The following AKAP13 variants were observed in gnomAD, a reference collection of about 807,000 sequenced individuals.
AKAP13 encodes the protein A-kinase anchoring protein 13.
In AKAP13, 80 loss-of-function variants were observed where a neutral mutation model predicts 264.5. The observed-to-expected ratio is 0.30, with a 90% CI of 0.25 to 0.36. AKAP13 has a LOEUF of 0.36. Ranked by LOEUF, AKAP13 falls within the 10% of genes least tolerant of loss-of-function variation. The pLI is 1.00. For synonymous variants in AKAP13, 1,380 were observed against 1,250.2 expected (o/e 1.10, Z -2.19); for missense variants, 3,712 against 3,435.2 (o/e 1.08, Z -2.01).
intron 13 of AKAP13, 124 bp from the exon 14 acceptor site, chr15:85,669,598 T>C: frequency 1.6e-6 from 1 of 625,114 alleles, no homozygotes; most frequent in Non-Finnish European, 2.8e-6. Context: ...CCACAAGGCC[T>C]GTGCTCTCAC....
At chr15:85,473,263 G>A (rs1184633666) in intron 1 of AKAP13, among the ~76,000 whole-genome samples, 1 of 152,166 alleles carries the variant, frequency 6.6e-6, no homozygotes, top group African/African-American at 2.4e-5. Context: ...GGGGGTGGGA[G>A]TAAAGAGTAG....
At chr15:85,594,771 G>A (rs1451118667) in intron 8 of AKAP13, among the ~76,000 whole-genome samples, 1 of 152,118 alleles carries the variant, frequency 6.6e-6, no homozygotes, top group African/African-American at 2.4e-5. Context: ...GATCTACCTG[G>A]GTACCTACAA....
At position 85,655,765 on chromosome 15, in the gene AKAP13, G is replaced by A. The variant is rs148772528; in HGVS notation, c.4723G>A (p.Asp1575Asn). The A allele has an allele frequency of 1.4e-4, 233 of 1,610,000 alleles. No homozygotes were observed. Among genetic ancestry groups the A allele is most frequent in the Middle Eastern group, 1.0e-3 (6 of 5,990 alleles). The stretch of plus-strand genomic sequence containing the variant: ...GGGGCCTGGGAAAAATGCAGCCAGC[G>A]ATGCAGAAATGAACCACCGGAGGTG... ...SWGPGKNAAS[D>N]AEMNHRSSMR... is the part of the protein sequence containing the mutation. Residue 1575 changes from aspartate to asparagine, a missense_variant, in exon 11 of 37, where the codon GAT becomes AAT. Asp to Asn is a conservative substitution (Grantham distance 23). Coordinates refer to ENST00000394518, the MANE Select transcript of AKAP13 (RefSeq NM_007200.5).
At chr15:85,483,640 A>AAAACAAC (rs1198500015) in intron 1 of AKAP13, among the ~76,000 whole-genome samples, 1,943 of 147,216 alleles carry the variant, frequency 0.013, 83 homozygotes, top group African/African-American at 0.046. Context: ...CTCAAAAAAA[A>AAAACAAC]AAAAAAAAAA....
chr15:85,421,393 G>GA (rs750329143), intron 1 of AKAP13, among the ~76,000 whole-genome samples: 2 of 152,208 alleles, frequency 1.3e-5, no homozygotes, highest in African/African-American at 2.4e-5. Context: ...GCTGTATTGA[G>GA]AAAGTCTTCA....
In AKAP13 at chr15:85,418,047, TTTA is replaced by T. The variant is rs57875971; in HGVS notation, c.-12+37266_-12+37268del. ...CATTCTTTTTGTACCATCTTCATTA[TTTA>T]TTATTATTATTATTATCATTATTAT... is the stretch of plus-strand genomic sequence containing the variant. On this transcript the variant is annotated intron_variant, in intron 1 of 36. Coordinates refer to ENST00000394518, the MANE Select transcript of AKAP13 (RefSeq NM_007200.5). Among the ~76,000 whole-genome samples the T allele has an allele frequency of 8.2e-4, 121 of 146,794 alleles. 3 individuals are homozygous for T. The highest frequency in any genetic ancestry group is 2.9e-3 in the East Asian group (15 of 5,142).
chr15:85,667,004 G>T (rs1326231755), intron 13 of AKAP13, among the ~76,000 whole-genome samples: 3 of 152,132 alleles, frequency 2.0e-5, no homozygotes, highest in Non-Finnish European at 4.4e-5. Flanking sequence ...ATTCTGGGAT[G>T]CATCTTATTT....
intron 1 of AKAP13, among the ~76,000 whole-genome samples, chr15:85,447,840 A>G (rs1196756300): frequency 6.6e-6 from 1 of 152,134 alleles, no homozygotes; most frequent in Admixed American, 6.5e-5. Context: ...ATTTGTGTGC[A>G]TGTGTCTTTA....
intron 30 of AKAP13, among the ~76,000 whole-genome samples, chr15:85,731,425 A>G (rs1369664826): frequency 6.6e-6 from 1 of 151,820 alleles, no homozygotes; most frequent in African/African-American, 2.4e-5. Context: ...TCCCCCCACC[A>G]TCTTTTTTTT....
intron 5 of AKAP13, among the ~76,000 whole-genome samples, chr15:85,557,423 TC>T (rs1238184433): frequency 2.6e-5 from 4 of 152,212 alleles, no homozygotes; most frequent in Non-Finnish European, 5.9e-5. Context: ...TTCAGGGAAA[TC>T]ATTTCAACAA....
chr15:85,664,600 G>A lies in AKAP13; in HGVS notation c.4837G>A (p.Gly1613Arg), dbSNP rs777916874. 4.6e-5 allele frequency: 74 copies of A among 1,613,304 alleles called. No homozygotes were observed. Among genetic ancestry groups the A allele is most frequent in the Admixed American group, 1.3e-4 (8 of 59,942 alleles). Reference sequence around the variant, plus strand: ...AGGCTTGACAGGAGGAGCTGGTGTCGGAAACAAGCCATCCTCATCTCTAGA... The same window carrying A: ...AGGCTTGACAGGAGGAGCTGGTGTCAGAAACAAGCCATCCTCATCTCTAGA... ...LEGLTGGAGV[G>R]NKPSSSLEVS... Residue 1613 changes from glycine to arginine, a missense_variant, in exon 13 of 37, where the codon GGA (glycine) becomes AGA (arginine). This residue lies in a region of AKAP13 where 2,759 missense variants were observed against 2,411.7 expected (regional missense o/e 1.14). Transcript: ENST00000394518.
intron 3 of AKAP13, among the ~76,000 whole-genome samples, chr15:85,525,090 G>T (rs190937315): frequency 8.0e-6 from 1 of 125,014 alleles, no homozygotes; most frequent in Non-Finnish European, 1.6e-5. Flanking sequence ...ATGGAGTCTC[G>T]CTCTGTGGTC....
intron 2 of AKAP13, among the ~76,000 whole-genome samples, chr15:85,518,718 A>G (rs766347356): frequency 6.6e-6 from 1 of 152,154 alleles, no homozygotes; most frequent in Non-Finnish European, 1.5e-5. Flanking sequence ...TGTCCCAGCT[A>G]CTTGGGAGGC....
Position 85,604,199 on chromosome 15 carries a change from T to TA in AKAP13, c.4161+18384dup, listed in dbSNP as rs532949519. 5.4e-3 allele frequency among the ~76,000 whole-genome samples: 818 copies of TA among 152,156 alleles called. 13 individuals carry two copies. The highest frequency in any genetic ancestry group is 0.011 in the Admixed American group (167 of 15,286). On this transcript the variant is annotated intron_variant, in intron 8 of 36. Coordinates refer to ENST00000394518, the MANE Select transcript of AKAP13 (RefSeq NM_007200.5). ...ACTGACAACCTTAAATAGGTCACTT[T>TA]AAAAAAAATAACTATTTCCTATTTA...
chr15:85,547,238 AC>A (rs1291970869), intron 5 of AKAP13, among the ~76,000 whole-genome samples: 2 of 152,166 alleles, frequency 1.3e-5, no homozygotes, highest in Non-Finnish European at 2.9e-5. Flanking sequence ...AGCTTATTTA[AC>A]CCCATTTATA....
intron 8 of AKAP13, among the ~76,000 whole-genome samples, chr15:85,603,159 C>T (rs75292756): frequency 0.081 from 12,338 of 152,216 alleles, 803 homozygotes; most frequent in East Asian, 0.37. Context: ...AGTGTTGTTT[C>T]CTGAAAAAAG....
At chr15:85,509,260 T>A (rs1042038707) in intron 2 of AKAP13, among the ~76,000 whole-genome samples, 2 of 152,218 alleles carry the variant, frequency 1.3e-5, no homozygotes, top group African/African-American at 2.4e-5. Flanking sequence ...TTTTTATATT[T>A]CACTACCATG....
At chr15:85,556,958 A>G (rs17768867) in intron 5 of AKAP13, among the ~76,000 whole-genome samples, 23,887 of 152,262 alleles carry the variant, frequency 0.16, 2,536 homozygotes, top group East Asian at 0.57. Context: ...AATTCTCTAC[A>G]CAATTTTGCT....
intron 7 of AKAP13, among the ~76,000 whole-genome samples, chr15:85,582,660 T>C (rs1023465706): frequency 4.6e-5 from 7 of 151,732 alleles, no homozygotes; most frequent in African/African-American, 1.7e-4. Flanking sequence ...GGTTTTTTGT[T>C]TGTTTGTTTT....
Sources: gnomAD v4.1 joint callset for allele counts (sites outside exome capture counted in the v4.1 genomes callset) on GRCh38, gnomAD v4.1.1 for gene constraint, gnomAD v4.1.1 regional missense constraint, MANE v1.5 for transcripts, NCBI Gene and HGNC (gene_info 2026-07-23, HGNC 2026-07-21) for gene names.